Variants in JAM3 observed in about 807,000 individuals in gnomAD.
JAM3 encodes the protein junctional adhesion molecule 3.
JAM3 carries 31 observed loss-of-function variants against 39.4 expected under a neutral mutation model. That is an observed-to-expected ratio of 0.79 (90% confidence interval 0.59 to 1.06). The LOEUF (loss-of-function observed/expected upper bound fraction) is 1.06, where lower values mean the gene tolerates loss of function less well. Among genes scored for constraint, JAM3 ranks in the 50% least tolerant of loss-of-function variants. The pLI is 0.00. For synonymous variants in JAM3, 182 were observed against 148.7 expected (o/e 1.22, Z -1.63); for missense variants, 455 against 391.4 (o/e 1.16, Z -1.37).
intron 1 of JAM3, among the ~76,000 whole-genome samples, chr11:134,079,898 G>A (rs1249449041): frequency 6.6e-6 from 1 of 152,176 alleles, no homozygotes; most frequent in Non-Finnish European, 1.5e-5. Flanking sequence ...GTGTTTTGTA[G>A]CCAGGTAAAC....
intron 1 of JAM3, among the ~76,000 whole-genome samples, chr11:134,135,204 A>G (rs1942842430): frequency 6.6e-6 from 1 of 152,206 alleles, no homozygotes; most frequent in African/African-American, 2.4e-5. Context: ...TTGACTTAAT[A>G]TAAGGGTCTA....
intron 1 of JAM3, chr11:134,123,714 G>C (rs2120783661): frequency 1.9e-6 from 1 of 538,368 alleles, no homozygotes; most frequent in Non-Finnish European, 3.4e-6. Flanking sequence ...GAGGAGTAGT[G>C]AATCCATCAC....
At chr11:134,128,003 A>G (rs470713) in intron 1 of JAM3, among the ~76,000 whole-genome samples, 68,150 of 152,000 alleles carry the variant, frequency 0.45, 18,183 homozygotes, top group African/African-American at 0.76. Context: ...GACCCCCACT[A>G]TGAATCAAAC....
chr11:134,069,381 C>G (rs1368826355), intron 1 of JAM3, among the ~76,000 whole-genome samples: 4 of 152,142 alleles, frequency 2.6e-5, no homozygotes, highest in Non-Finnish European at 4.4e-5. Context: ...GGCAGTTGGA[C>G]CGGGGCGGGG....
At position 134,113,267 on chromosome 11, in the gene JAM3, T is replaced by C. The variant is rs139678367; in HGVS notation, c.77-26584T>C. Among the ~76,000 whole-genome samples, 859 of 151,796 alleles carry C rather than the reference T, an allele frequency of 5.7e-3. 6 individuals carry two copies. Among genetic ancestry groups the C allele is most frequent in the African/African-American group, 0.02 (812 of 41,346 alleles). ...TGCAGGTTTGTTACATATGTATACA[T>C]GTGCTGTGTTGGTGTGCTGCACCCA... On this transcript the variant is annotated intron_variant, in intron 1 of 8. Coordinates refer to ENST00000299106, the MANE Select transcript of JAM3 (RefSeq NM_032801.5).
In JAM3 at chr11:134,149,355, T is replaced by C. The variant is rs1555121912; in HGVS notation, c.*174T>C. 4.2e-6 allele frequency: 3 copies of C among 717,874 alleles called. No homozygotes were observed. Among genetic ancestry groups the C allele is most frequent in the East Asian group, 5.4e-5 (2 of 37,002 alleles). 44.5% of individuals were successfully genotyped at this position (717,874 alleles called of 1,614,324 possible). On this transcript the variant is annotated 3_prime_UTR_variant, in exon 9 of 9. Coordinates refer to ENST00000299106, the MANE Select transcript of JAM3 (RefSeq NM_032801.5). Reference sequence around the variant, plus strand: ...TTCTTACTCTAACAAGCCACATGAATAGAAGAATTTTCCTCAAGATGGACC... The same window carrying C: ...TTCTTACTCTAACAAGCCACATGAACAGAAGAATTTTCCTCAAGATGGACC...
intron 1 of JAM3, among the ~76,000 whole-genome samples, chr11:134,090,279 T>G (rs1172724060): frequency 6.6e-6 from 1 of 152,270 alleles, no homozygotes; most frequent in Non-Finnish European, 1.5e-5. Flanking sequence ...GATGGTAGTT[T>G]CTTTTGCTGT....
chr11:134,140,053 G>A, intron 2 of JAM3, 137 bp downstream of exon 2: 1 of 732,730 alleles, frequency 1.4e-6, no homozygotes, highest in Non-Finnish European at 2.4e-6. Flanking sequence ...CGGTGCACAG[G>A]CCTGGAAGCA....
chr11:134,087,442 T>G (rs187682451), intron 1 of JAM3, among the ~76,000 whole-genome samples: 2 of 152,240 alleles, frequency 1.3e-5, no homozygotes, highest in African/African-American at 4.8e-5. Context: ...ATATTCATAT[T>G]CATTTGAAAG....
At chr11:134,125,272 C>G (rs113964908) in intron 1 of JAM3, among the ~76,000 whole-genome samples, 65 of 152,352 alleles carry the variant, frequency 4.3e-4, no homozygotes, top group Non-Finnish European at 5.6e-4. Flanking sequence ...GAAGAGATGG[C>G]TGTGTTGAAG....
chr11:134,109,771 A>G (rs1418643776), intron 1 of JAM3, among the ~76,000 whole-genome samples: 1 of 152,238 alleles, frequency 6.6e-6, no homozygotes, highest in Admixed American at 6.5e-5. Context: ...GGAAATAGTC[A>G]ATTATGTATT....
In JAM3 at chr11:134,144,883, C is replaced by G; in HGVS notation, c.501C>G (p.Pro167=). Residue 167 remains proline, a synonymous_variant, in exon 5 of 9, where the codon CCC becomes CCG. Coordinates refer to ENST00000299106, the MANE Select transcript of JAM3 (RefSeq NM_032801.5). ...ACTGCCAGGAGAGTGAGGGCCACCC[C>G]CGGCCTCACTACAGCTGGTATCGCA... ...TLHCQESEGH[P]RPHYSWYRND... 2 of 1,614,032 alleles carry G rather than the reference C, an allele frequency of 1.2e-6. No individual in the cohort carries two copies. Among genetic ancestry groups the G allele is most frequent in the Non-Finnish European group, 1.7e-6 (2 of 1,179,890 alleles).
At position 134,149,399 on chromosome 11, in the gene JAM3, G is replaced by A; in HGVS notation, c.*218G>A. 1 of 629,446 alleles carries A rather than the reference G, an allele frequency of 1.6e-6. No individual in the cohort carries two copies. The highest frequency in any genetic ancestry group is 2.8e-5 in the East Asian group (1 of 36,298). The allele number at this position is 629,446 out of a possible 1,614,324, so 39.0% of individuals were successfully genotyped here. A position where few individuals can be genotyped will look rare whatever the true frequency, so the allele number is the denominator to read the frequency against. On this transcript the variant is annotated 3_prime_UTR_variant, in exon 9 of 9. Transcript: ENST00000299106. ...ATGGACCCGGTAAATATAACCACAA[G>A]GAAGCGAAACTGGGTGCGTTCACTG...
chr11:134,139,748 T>G, intron 1 of JAM3, 103 bp from the exon 2 acceptor site: 1 of 863,558 alleles, frequency 1.2e-6, no homozygotes, highest in Non-Finnish European at 2.0e-6. Context: ...CCTCTGTGGT[T>G]AGTAACCATA....
intron 1 of JAM3, chr11:134,070,163 C>T (rs1378434363): frequency 2.2e-6 from 1 of 456,078 alleles, no homozygotes; most frequent in African/African-American, 2.0e-5. Flanking sequence ...TTCATTAATC[C>T]ATTTTCAGAG....
chr11:134,069,279 G>A (rs1591763824), intron 1 of JAM3, 120 bp downstream of exon 1: 1 of 1,369,520 alleles, frequency 7.3e-7, no homozygotes. Flanking sequence ...GAGGGCTCCC[G>A]GGGTCCCGGG....
intron 1 of JAM3, among the ~76,000 whole-genome samples, chr11:134,102,881 T>C (rs1942102586): frequency 6.6e-6 from 1 of 152,094 alleles, no homozygotes; most frequent in Non-Finnish European, 1.5e-5. Flanking sequence ...CAAATCTATG[T>C]CTGATTGGTG....
At chr11:134,109,400 T>C (rs1198755342) in intron 1 of JAM3, among the ~76,000 whole-genome samples, 1 of 152,232 alleles carries the variant, frequency 6.6e-6, no homozygotes, top group Non-Finnish European at 1.5e-5. Context: ...AACATTTATG[T>C]CAGGGATCAG....
intron 7 of JAM3, 33 bp downstream of exon 7, chr11:134,148,709 C>G (rs1943126096): frequency 1.2e-6 from 2 of 1,614,032 alleles, no homozygotes; most frequent in South Asian, 1.1e-5. Flanking sequence ...AAGGGAAGTT[C>G]AAGCTGGCAA....
Sources: gnomAD v4.1 joint callset for allele counts (sites outside exome capture counted in the v4.1 genomes callset) on GRCh38, gnomAD v4.1.1 for gene constraint, MANE v1.5 for transcripts, NCBI Gene and HGNC (gene_info 2026-07-23, HGNC 2026-07-21) for gene names.